SMC2: variants seen among roughly 807,000 people sequenced by gnomAD.
SMC2 encodes the protein structural maintenance of chromosomes 2, also known as structural maintenance of chromosomes protein 2.
Under a neutral mutation model 142.6 loss-of-function variants are expected in SMC2, and 41 were observed. The observed-to-expected ratio is 0.29, with a 90% confidence interval of 0.22 to 0.37. The LOEUF (loss-of-function observed/expected upper bound fraction) is 0.37, where lower values mean the gene tolerates loss of function less well. Ranked by LOEUF, SMC2 falls within the 10% of genes least tolerant of loss-of-function variation. The pLI is 1.00. For missense variants in SMC2, 1,265 were observed against 1,373.7 expected, an observed-to-expected ratio of 0.92 and a Z score of 1.25; for synonymous variants, 463 against 457.5, an observed-to-expected ratio of 1.01 and a Z score of -0.15.
intron 15 of SMC2, 99 bp downstream of exon 15, chr9:104,118,474 A>G (rs753978156): frequency 1.0e-5 from 10 of 955,954 alleles, no homozygotes; most frequent in Non-Finnish European, 1.6e-5. Flanking sequence ...TTCTTCAGGA[A>G]ACATGTTAAC....
chr9:104,113,183 A>G (rs1460532356), intron 10 of SMC2, 133 bp from the exon 11 acceptor site: 1 of 569,018 alleles, frequency 1.8e-6, no homozygotes. Flanking sequence ...TTGAAATACT[A>G]ATCCAAGAGA....
chr9:104,127,187 T>C (rs1221916942), intron 19 of SMC2, 99 bp from the exon 20 acceptor site: 1 of 862,970 alleles, frequency 1.2e-6, no homozygotes, highest in Non-Finnish European at 1.7e-6. Flanking sequence ...TGTAATCACA[T>C]TGCCCTCTTG....
chr9:104,116,460 T>C (rs1044279182), intron 14 of SMC2, 141 bp downstream of exon 14: 2 of 672,146 alleles, frequency 3.0e-6, no homozygotes, highest in South Asian at 2.1e-5. Context: ...CTTGTGCAAT[T>C]AGATGATAAG....
chr9:104,131,374 G>GATA (rs1834945799), intron 21 of SMC2, among the ~76,000 whole-genome samples: 2 of 152,110 alleles, frequency 1.3e-5, no homozygotes, highest in South Asian at 4.1e-4. Flanking sequence ...AAAGTCAAGG[G>GATA]ATAAATAAGG....
chr9:104,101,822 C>G (rs978776715), intron 7 of SMC2, 138 bp from the exon 8 acceptor site: 5 of 564,454 alleles, frequency 8.9e-6, no homozygotes, highest in African/African-American at 7.7e-5. Context: ...CGTAAAGTTT[C>G]CTACAATTTA....
intron 9 of SMC2, among the ~76,000 whole-genome samples, chr9:104,105,459 A>G (rs1051455965): frequency 2.6e-5 from 4 of 152,066 alleles, no homozygotes; most frequent in Admixed American, 6.6e-5. Flanking sequence ...GACCCCATTC[A>G]TGGGTAGGGA....
intron 9 of SMC2, among the ~76,000 whole-genome samples, chr9:104,107,471 C>T (rs1831938747): frequency 6.6e-6 from 1 of 152,182 alleles, no homozygotes; most frequent in African/African-American, 2.4e-5. Context: ...TTAAAAGCAG[C>T]ACCAAGGCCA....
At position 104,101,968 on chromosome 9, in the gene SMC2, G is replaced by T; in HGVS notation, c.645G>T (p.Ser215=). The T allele has an allele frequency of 6.4e-7, 1 of 1,561,692 alleles. No individual in the cohort carries two copies. The highest frequency in any genetic ancestry group is 1.4e-5 in the African/African-American group (1 of 72,922). The change falls in exon 8 of 25, where the codon TCG becomes TCT. Residue 215 remains serine (S), a synonymous_variant. Transcript: ENST00000374793. ...PTIQKLKEER[S]SYLEYQKVMR... ...TGTGATTTCTCTTTCAGGAAAGATC[G>T]TCCTACTTGGAGTACCAAAAAGTAA...
intron 9 of SMC2, among the ~76,000 whole-genome samples, chr9:104,104,827 T>G (rs1460581846): frequency 1.3e-5 from 2 of 152,226 alleles, no homozygotes; most frequent in Admixed American, 1.3e-4. Context: ...ATAATCTCAT[T>G]GCAATATTGT....
chr9:104,126,861 T>TA, intron 19 of SMC2, 77 bp downstream of exon 19: 2 of 1,364,340 alleles, frequency 1.5e-6, no homozygotes, highest in Non-Finnish European at 2.0e-6. Flanking sequence ...ATGTTTGACT[T>TA]TAGTGTTCTC....
chr9:104,126,488 G>A (rs1834302027), intron 18 of SMC2, among the ~76,000 whole-genome samples, 153 bp from the exon 19 acceptor site: 1 of 150,424 alleles, frequency 6.6e-6, no homozygotes, highest in Admixed American at 6.6e-5. Flanking sequence ...CTTTTCTGGG[G>A]AAGCAGCTTA....
intron 18 of SMC2, among the ~76,000 whole-genome samples, chr9:104,125,575 C>T (rs985443942): frequency 6.6e-6 from 1 of 151,724 alleles, no homozygotes; most frequent in Admixed American, 6.6e-5. Context: ...GTAAATGCTT[C>T]CTTCAAGAGT....
At chr9:104,126,949 CATAGGTCAGTCA>C (rs1323744886) in intron 19 of SMC2, among the ~76,000 whole-genome samples, 165 bp downstream of exon 19, 1 of 152,174 alleles carries the variant, frequency 6.6e-6, no homozygotes, top group Non-Finnish European at 1.5e-5. Flanking sequence ...TTTGGGATCA[CATAGGTCAGTCA>C]GCTTCTAGCA....
intron 9 of SMC2, among the ~76,000 whole-genome samples, chr9:104,103,378 TAGGG>T (rs966419691): frequency 6.6e-6 from 1 of 152,072 alleles, no homozygotes; most frequent in Non-Finnish European, 1.5e-5. Flanking sequence ...GAGGGATAAA[TAGGG>T]AGGTAACTGG....
At chr9:104,137,859 C>T (rs969907169) in intron 23 of SMC2, among the ~76,000 whole-genome samples, 159 bp from the exon 24 acceptor site, 3 of 141,194 alleles carry the variant, frequency 2.1e-5, no homozygotes, top group African/African-American at 9.6e-5. Flanking sequence ...TTTAATACAA[C>T]AAAAGTGTTA....
intron 9 of SMC2, among the ~76,000 whole-genome samples, chr9:104,111,363 C>T (rs2131378323): frequency 6.6e-6 from 1 of 152,176 alleles, no homozygotes; most frequent in East Asian, 1.9e-4. Flanking sequence ...TAATTTATAA[C>T]ATGGAATGAA....
At chr9:104,127,047 C>G (rs912075493) in intron 19 of SMC2, among the ~76,000 whole-genome samples, 1 of 152,120 alleles carries the variant, frequency 6.6e-6, no homozygotes, top group Admixed American at 6.5e-5. Flanking sequence ...GCAGCATGAG[C>G]GTGCAGCATG....
chr9:104,131,470 TAACA>T (rs1165384529), intron 21 of SMC2, among the ~76,000 whole-genome samples: 1 of 152,126 alleles, frequency 6.6e-6, no homozygotes, highest in Non-Finnish European at 1.5e-5. Context: ...TATACCTATG[TAACA>T]AACCTGCACA....
chr9:104,112,047 C>G (rs560987689), intron 10 of SMC2, among the ~76,000 whole-genome samples: 3 of 152,158 alleles, frequency 2.0e-5, no homozygotes, highest in Non-Finnish European at 4.4e-5. Flanking sequence ...TATCTTAATT[C>G]GGTATGTAAG....
Sources: allele counts gnomAD v4.1 joint callset (sites outside exome capture counted in the v4.1 genomes callset), GRCh38; gene constraint gnomAD v4.1.1; transcripts MANE v1.5; gene names NCBI Gene and HGNC (gene_info 2026-07-23, HGNC 2026-07-21).